The following TSHZ2 variants were observed in gnomAD, a reference collection of about 807,000 sequenced individuals.
TSHZ2 encodes the protein teashirt zinc finger homeobox 2, also known as teashirt homolog 2.
In TSHZ2, 21 loss-of-function variants were observed where a neutral mutation model predicts 74.4. The observed-to-expected ratio is 0.28, with a 90% CI of 0.20 to 0.41. The LOEUF is 0.41. TSHZ2 is among the 10% of genes least tolerant of loss of function. TSHZ2 has a pLI of 1.00. For synonymous variants in TSHZ2, 540 were observed against 515.3 expected (o/e 1.05, Z -0.65); for missense variants, 1,244 against 1,293.5 (o/e 0.96, Z 0.59).
At chr20:53,006,725 A>T (rs992748596) in intron 1 of TSHZ2, among the ~76,000 whole-genome samples, 2 of 152,208 alleles carry the variant, frequency 1.3e-5, no homozygotes, top group Non-Finnish European at 2.9e-5. Context: ...AGATTTAGAG[A>T]TACATGTAGT....
chr20:53,432,985 C>T (rs1333389917), intron 2 of TSHZ2, among the ~76,000 whole-genome samples: 1 of 152,102 alleles, frequency 6.6e-6, no homozygotes, highest in Non-Finnish European at 1.5e-5. Context: ...TTGATCATTG[C>T]CTTACAACTG....
intron 1 of TSHZ2, among the ~76,000 whole-genome samples, chr20:53,198,842 G>T (rs1438706662): frequency 2.0e-5 from 3 of 152,136 alleles, no homozygotes; most frequent in African/African-American, 7.2e-5. Flanking sequence ...AAACATAATG[G>T]TGGCTAGTTT....
chr20:53,386,778 C>T (rs2145649884), intron 2 of TSHZ2, among the ~76,000 whole-genome samples: 1 of 152,220 alleles, frequency 6.6e-6, no homozygotes, highest in East Asian at 1.9e-4. Context: ...TACAACTAAT[C>T]ACTGGATGAA....
chr20:53,122,176 C>T (rs1394126824), intron 1 of TSHZ2, among the ~76,000 whole-genome samples: 1 of 151,190 alleles, frequency 6.6e-6, no homozygotes, highest in Non-Finnish European at 1.5e-5. Context: ...TGGTCCCAGC[C>T]ACTTAGGAGG....
chr20:53,405,364 T>G (rs1320530727), intron 2 of TSHZ2, among the ~76,000 whole-genome samples: 1 of 152,186 alleles, frequency 6.6e-6, no homozygotes, highest in Non-Finnish European at 1.5e-5. Context: ...GATGATCTAT[T>G]AGGATTGTGT....
intron 1 of TSHZ2, among the ~76,000 whole-genome samples, chr20:53,016,535 T>C (rs1309131532): frequency 6.6e-6 from 1 of 152,210 alleles, no homozygotes; most frequent in Non-Finnish European, 1.5e-5. Context: ...CTTTCTACCA[T>C]GTGACTCACC....
intron 1 of TSHZ2, among the ~76,000 whole-genome samples, chr20:52,984,830 G>A (rs939731759): frequency 4.6e-5 from 7 of 152,170 alleles, no homozygotes; most frequent in African/African-American, 1.7e-4. Flanking sequence ...TCCGGGGAGA[G>A]ACCACAAGTT....
chr20:53,010,024 G>A (rs906325941), intron 1 of TSHZ2, among the ~76,000 whole-genome samples: 1 of 152,094 alleles, frequency 6.6e-6, no homozygotes, highest in Non-Finnish European at 1.5e-5. Context: ...TAGTCTTTTA[G>A]AGTGGACAAA....
At chr20:53,029,968 C>A (rs1010654143) in intron 1 of TSHZ2, among the ~76,000 whole-genome samples, 6 of 152,122 alleles carry the variant, frequency 3.9e-5, no homozygotes, top group African/African-American at 1.2e-4. Flanking sequence ...GAGCTGCATG[C>A]TTCTGACTTC....
intron 1 of TSHZ2, among the ~76,000 whole-genome samples, chr20:53,015,493 A>G (rs970000446): frequency 4.6e-5 from 7 of 152,168 alleles, no homozygotes; most frequent in African/African-American, 1.7e-4. Flanking sequence ...CACAATATCA[A>G]TAGTGCCAGG....
chr20:53,382,062 C>T (rs1417885429), intron 2 of TSHZ2, among the ~76,000 whole-genome samples: 3 of 152,198 alleles, frequency 2.0e-5, no homozygotes, highest in African/African-American at 7.2e-5. Flanking sequence ...CTGAGGGCTT[C>T]CCAGTGCTGC....
chr20:53,214,403 T>G (rs1600745625), intron 1 of TSHZ2, among the ~76,000 whole-genome samples: 1 of 152,236 alleles, frequency 6.6e-6, no homozygotes, highest in East Asian at 1.9e-4. Context: ...AAGACTGGTA[T>G]GGGAAGGGGC....
At chr20:53,070,361 C>T (rs1985132012) in intron 1 of TSHZ2, among the ~76,000 whole-genome samples, 1 of 152,186 alleles carries the variant, frequency 6.6e-6, no homozygotes, top group South Asian at 2.1e-4. Flanking sequence ...AATAGCCTAT[C>T]TTAATTAGCT....
chr20:53,205,256 T>C (rs1463412765), intron 1 of TSHZ2, among the ~76,000 whole-genome samples: 1 of 152,168 alleles, frequency 6.6e-6, no homozygotes, highest in East Asian at 1.9e-4. Context: ...TGAGGAGAGT[T>C]GGTGGCTGGC....
intron 2 of TSHZ2, among the ~76,000 whole-genome samples, chr20:53,436,533 A>ATTTTTTTT (rs1444141242): frequency 5.2e-5 from 6 of 115,980 alleles, no homozygotes; most frequent in African/African-American, 1.1e-4. Flanking sequence ...ATTTATTATT[A>ATTTTTTTT]TTATTATTAT....
Position 53,157,717 on chromosome 20 carries a change from T to C in TSHZ2, c.41-95782T>C, listed in dbSNP as rs537887685. Reference sequence around the variant, plus strand: ...ATCTCAACATATTTACTCTATTTGATAATGAAACTGATTTACTTCTGCTTT... The same window carrying C: ...ATCTCAACATATTTACTCTATTTGACAATGAAACTGATTTACTTCTGCTTT... On this transcript the variant is annotated intron_variant, in intron 1 of 2. Coordinates refer to ENST00000371497, the MANE Select transcript of TSHZ2 (RefSeq NM_173485.6). Among the ~76,000 whole-genome samples, 7 of 152,352 alleles carry C rather than the reference T, an allele frequency of 4.6e-5. No homozygotes were observed. In the South Asian group the frequency reaches 1.4e-3, roughly 32 times the overall value.
At chr20:52,974,353 T>G (rs1349872288) in intron 1 of TSHZ2, among the ~76,000 whole-genome samples, 1 of 152,204 alleles carries the variant, frequency 6.6e-6, no homozygotes, top group African/African-American at 2.4e-5. Context: ...TCACTCACCA[T>G]GGTAACTCAG....
chr20:53,308,001 A>T (rs1348046175), intron 2 of TSHZ2, among the ~76,000 whole-genome samples: 2 of 152,238 alleles, frequency 1.3e-5, no homozygotes, highest in Admixed American at 1.3e-4. Context: ...GGGAGAAAAA[A>T]ATAATCCTCA....
At chr20:53,230,671 T>C (rs921746228) in intron 1 of TSHZ2, among the ~76,000 whole-genome samples, 3 of 152,062 alleles carry the variant, frequency 2.0e-5, no homozygotes, top group Non-Finnish European at 4.4e-5. Context: ...GGCAGGTGGA[T>C]CATGAGGTCA....
Sources: allele counts gnomAD v4.1 joint callset (sites outside exome capture counted in the v4.1 genomes callset), GRCh38; gene constraint gnomAD v4.1.1; transcripts MANE v1.5; gene names NCBI Gene and HGNC (gene_info 2026-07-23, HGNC 2026-07-21).